INTS4: variants seen among roughly 807,000 people sequenced by gnomAD.
INTS4 encodes integrator complex subunit 4.
In INTS4, 70 loss-of-function variants were observed where a neutral mutation model predicts 119.5. The observed-to-expected ratio is 0.59, with a 90% CI of 0.48 to 0.71. The LOEUF (loss-of-function observed/expected upper bound fraction) is 0.71, where lower values mean the gene tolerates loss of function less well. Ranked by LOEUF, INTS4 falls within the 30% of genes least tolerant of loss-of-function variation. The pLI is 0.00. For missense variants in INTS4, 867 were observed against 1,173.2 expected, an observed-to-expected ratio of 0.74 and a Z score of 3.81; for synonymous variants, 316 against 419.6, an observed-to-expected ratio of 0.75 and a Z score of 3.02.
At chr11:77,993,263 A>C (rs1856770727) in intron 1 of INTS4, among the ~76,000 whole-genome samples, 1 of 152,240 alleles carries the variant, frequency 6.6e-6, no homozygotes, top group Non-Finnish European at 1.5e-5. Context: ...AAAAGTACAA[A>C]TAGATTAGTA....
chr11:77,981,200 A>C (rs1027546269), intron 3 of INTS4, among the ~76,000 whole-genome samples: 6 of 151,750 alleles, frequency 4.0e-5, no homozygotes, highest in African/African-American at 1.2e-4. Flanking sequence ...CAAAAAAAAA[A>C]AAAAAAAAAG....
intron 19 of INTS4, among the ~76,000 whole-genome samples, chr11:77,893,909 A>AAATAAATAAATAAATC (rs1952393292): frequency 6.7e-6 from 1 of 150,270 alleles, no homozygotes; most frequent in Non-Finnish European, 1.5e-5. Flanking sequence ...ATAAATAAAT[A>AAATAAATAAATAAATC]AATAAATAAA....
intron 19 of INTS4, among the ~76,000 whole-genome samples, 188 bp from the exon 20 acceptor site, chr11:77,892,028 C>T (rs1952293531): frequency 6.6e-6 from 1 of 152,182 alleles, no homozygotes; most frequent in Non-Finnish European, 1.5e-5. Context: ...AGAAAGGCCT[C>T]TGTTTATTGA....
intron 8 of INTS4, among the ~76,000 whole-genome samples, chr11:77,944,062 C>T (rs1225682379): frequency 6.6e-6 from 1 of 152,148 alleles, no homozygotes; most frequent in Admixed American, 6.5e-5. Flanking sequence ...CCATGAATCT[C>T]CTTACTGGGA....
intron 4 of INTS4, among the ~76,000 whole-genome samples, chr11:77,974,238 CTTT>C (rs60093605): frequency 4.7e-5 from 4 of 84,324 alleles, no homozygotes; most frequent in Admixed American, 4.1e-4. Flanking sequence ...TTTTTCTTTT[CTTT>C]TTTTTTTTTT....
chr11:77,919,774 A>G (rs1279797944), intron 14 of INTS4, among the ~76,000 whole-genome samples: 1 of 152,066 alleles, frequency 6.6e-6, no homozygotes, highest in Admixed American at 6.6e-5. Context: ...GGGAGGAGAG[A>G]GCAAAGAGTA....
rs1008273770 is a variant in INTS4, at chr11:77,949,521, A to G, written c.918+6421T>C. Among the ~76,000 whole-genome samples, 543 of 148,754 alleles carry G rather than the reference A, an allele frequency of 3.7e-3. 4 individuals are homozygous for G. The highest frequency in any genetic ancestry group is 0.013 in the African/African-American group (510 of 40,646). ...TACAAAGAACTTAAACAAATTTACA[A>G]AAAAAAAAAAAAAAACCATCAAAAA... On this transcript the variant is annotated intron_variant, in intron 8 of 22. Coordinates refer to ENST00000534064, the MANE Select transcript of INTS4 (RefSeq NM_033547.4).
rs1425797982 is a variant in INTS4 at position 77,938,926 on chromosome 11, G to T, written c.991-101C>A. 9 of 785,938 alleles carry T rather than the reference G, an allele frequency of 1.1e-5. No homozygotes were observed. In the East Asian group the frequency reaches 2.2e-4, roughly 19 times the overall value. 48.7% of individuals were successfully genotyped at this position (785,938 alleles called of 1,614,324 possible). ...AAGGCAGAAAATAAAACTGCTCTTT[G>T]AGAGTTACGTTTGTAAAAATTATCA... On this transcript the variant is annotated intron_variant, in intron 9 of 22. Transcript: ENST00000534064.
intron 13 of INTS4, 89 bp downstream of exon 13, chr11:77,922,267 A>AAAAGG: frequency 6.8e-7 from 1 of 1,479,892 alleles, no homozygotes; most frequent in South Asian, 1.4e-5. Flanking sequence ...CAAAGAAAAG[A>AAAAGG]AAATTCAGAC....
chr11:77,960,755 C>T (rs906617011), intron 5 of INTS4, among the ~76,000 whole-genome samples, 198 bp downstream of exon 5: 3 of 152,122 alleles, frequency 2.0e-5, no homozygotes, highest in Admixed American at 6.6e-5. Flanking sequence ...CATAAATACA[C>T]ATGAAAGCTA....
chr11:77,897,001 T>C (rs970704965), intron 18 of INTS4, among the ~76,000 whole-genome samples: 4 of 151,630 alleles, frequency 2.6e-5, no homozygotes, highest in African/African-American at 4.9e-5. Flanking sequence ...CATTCAACTG[T>C]AACATTAAAT....
intron 4 of INTS4, among the ~76,000 whole-genome samples, chr11:77,965,384 G>A (rs1403163153): frequency 1.3e-5 from 2 of 151,944 alleles, no homozygotes; most frequent in East Asian, 1.9e-4. Context: ...ACATTATTGT[G>A]GACTATAGTC....
intron 4 of INTS4, among the ~76,000 whole-genome samples, chr11:77,967,989 T>C (rs1855567983): frequency 6.6e-6 from 1 of 152,180 alleles, no homozygotes; most frequent in Non-Finnish European, 1.5e-5. Context: ...CTACTACACC[T>C]AGACTACATG....
rs1856220966 is a variant in INTS4 at position 77,981,560 on chromosome 11, A to G, written c.263T>C (p.Val88Ala). Residue 88 changes from valine to alanine, a missense_variant, in exon 3 of 23, where the codon GTG becomes GCG. Val to Ala is a moderately conservative substitution (Grantham distance 64). Coordinates refer to ENST00000534064, the MANE Select transcript of INTS4 (RefSeq NM_033547.4). ...CAACAATGATGCAATTTTCAGTCTC[A>G]CAGATGGATCATTCTCCTGGAAAAA... ...EHYYKENDPSVRLKIASLLGL... is the reference protein window; with the variant it reads ...EHYYKENDPSARLKIASLLGL... The G allele has an allele frequency of 6.4e-7, 1 of 1,569,120 alleles. No homozygotes were observed. The highest frequency in any genetic ancestry group is 1.4e-5 in the African/African-American group (1 of 73,790).
At chr11:77,989,645 T>C (rs937108849) in intron 2 of INTS4, among the ~76,000 whole-genome samples, 2 of 151,908 alleles carry the variant, frequency 1.3e-5, no homozygotes, top group Non-Finnish European at 2.9e-5. Context: ...ATCTCAGCAA[T>C]TTGGAAGCCC....
At chr11:77,987,713 A>G (rs1417044331) in intron 2 of INTS4, 4 of 439,568 alleles carry the variant, frequency 9.1e-6, no homozygotes, top group East Asian at 7.4e-5. Flanking sequence ...AAAAAAAATT[A>G]AAAAGAAAAA....
chr11:77,879,019 C>T lies in INTS4; in HGVS notation c.2822G>A (p.Ser941Asn), dbSNP rs367591609. The T allele has an allele frequency of 3.1e-6, 5 of 1,614,056 alleles. No homozygotes were observed. The highest frequency in any genetic ancestry group is 4.2e-6 in the Non-Finnish European group (5 of 1,180,034). The change falls in exon 23 of 23, where the codon AGC (serine) becomes AAC (asparagine). Residue 941 changes from serine (S) to asparagine (N), a missense_variant. Ser to Asn is a conservative substitution (Grantham distance 46). Coordinates refer to ENST00000534064, the MANE Select transcript of INTS4 (RefSeq NM_033547.4). ...GGEMSPQVET[S>N]IEGTIPFSKP... ...GCTGAAGGGAATGGTGCCCTCGATGCTGGTTTCCACCTGTGGTGACATCTC... is the reference window on the plus strand; with the variant it reads ...GCTGAAGGGAATGGTGCCCTCGATGTTGGTTTCCACCTGTGGTGACATCTC...
chr11:77,908,402 C>G (rs1591041927), intron 15 of INTS4, among the ~76,000 whole-genome samples: 1 of 150,950 alleles, frequency 6.6e-6, no homozygotes. Context: ...GATCTCGACT[C>G]ACTGCAACCT....
intron 4 of INTS4, among the ~76,000 whole-genome samples, chr11:77,968,410 G>A (rs923744942): frequency 2.6e-5 from 4 of 152,286 alleles, no homozygotes; most frequent in Admixed American, 6.5e-5. Flanking sequence ...CAAATATTGC[G>A]TGATTCCACT....
Sources: allele counts gnomAD v4.1 joint callset (sites outside exome capture counted in the v4.1 genomes callset), GRCh38; gene constraint gnomAD v4.1.1; transcripts MANE v1.5; gene names NCBI Gene and HGNC (gene_info 2026-07-23, HGNC 2026-07-21).